Variants in RALGAPA1 observed in about 807,000 individuals in gnomAD.
RALGAPA1 encodes Ral GTPase activating protein catalytic subunit alpha 1, also known as ral GTPase-activating protein subunit alpha-1.
RALGAPA1 carries 52 observed loss-of-function variants against 269.6 expected under a neutral mutation model. The ratio of observed to expected loss-of-function variants is 0.19; its 90% confidence interval spans 0.15 to 0.24. The LOEUF (loss-of-function observed/expected upper bound fraction) is 0.24, where lower values mean the gene tolerates loss of function less well. RALGAPA1 is among the 10% of genes least tolerant of loss of function. The probability of loss-of-function intolerance (pLI) is 1.00; values close to 1 mark genes in which losing one functional copy is unlikely to be tolerated. For synonymous variants in RALGAPA1, 817 were observed against 1,008.3 expected, an observed-to-expected ratio of 0.81 and a Z score of 3.60; for missense variants, 1,917 against 3,013.9, an observed-to-expected ratio of 0.64 and a Z score of 8.52.
intron 1 of RALGAPA1, among the ~76,000 whole-genome samples, chr14:35,783,357 G>A (rs2075582808): frequency 6.6e-6 from 1 of 151,462 alleles, no homozygotes; most frequent in African/African-American, 2.4e-5. Context: ...TTTCCTCATT[G>A]AGTTGTTTGG....
In RALGAPA1 at chr14:35,634,770, G is replaced by A; in HGVS notation, c.5812-13C>T. ...ACCCATGTAAAACCTGAAAATACAG[G>A]GGGAAACACCCAGTTTTACTTAAAA... On this transcript the variant is annotated splice_polypyrimidine_tract_variant and intron_variant, in intron 32 of 41. Coordinates refer to ENST00000680220, the MANE Select transcript of RALGAPA1 (RefSeq NM_001346249.2). 3.2e-6 allele frequency: 5 copies of A among 1,560,706 alleles called. No homozygotes were observed. The highest frequency in any genetic ancestry group is 4.6e-5 in the East Asian group (2 of 43,560).
At chr14:35,566,694 A>C (rs2056736333) in intron 39 of RALGAPA1, among the ~76,000 whole-genome samples, 1 of 151,692 alleles carries the variant, frequency 6.6e-6, no homozygotes, top group African/African-American at 2.4e-5. Flanking sequence ...TTAATACATT[A>C]TGTTTCTGAA....
At chr14:35,683,667 C>T (rs1443323421) in intron 21 of RALGAPA1, 142 bp downstream of exon 21, 1 of 627,562 alleles carries the variant, frequency 1.6e-6, no homozygotes, top group Admixed American at 3.3e-5. Flanking sequence ...GTCTTTTCTC[C>T]CCTTCATTGT....
At chr14:35,551,504 G>A (rs969044102) in intron 39 of RALGAPA1, among the ~76,000 whole-genome samples, 3 of 152,018 alleles carry the variant, frequency 2.0e-5, no homozygotes, top group African/African-American at 7.2e-5. Context: ...TGGGTAAAAT[G>A]CTTCATGAAA....
intron 34 of RALGAPA1, among the ~76,000 whole-genome samples, chr14:35,626,709 T>G (rs1034723042): frequency 1.3e-5 from 2 of 152,152 alleles, no homozygotes; most frequent in African/African-American, 4.8e-5. Context: ...ACAAAATAAT[T>G]TTTAAAACTT....
chr14:35,624,251 A>T (rs1385911158), intron 35 of RALGAPA1, among the ~76,000 whole-genome samples: 2 of 148,592 alleles, frequency 1.3e-5, no homozygotes, highest in African/African-American at 4.9e-5. Flanking sequence ...TATATAGATT[A>T]TATTTTTGTT....
intron 41 of RALGAPA1, among the ~76,000 whole-genome samples, chr14:35,544,184 C>T (rs1049948843): frequency 6.6e-6 from 1 of 152,166 alleles, no homozygotes. Context: ...TCATACTTCT[C>T]CCCTGGCAAC....
At chr14:35,766,931 C>A in intron 4 of RALGAPA1, 1 of 399,090 alleles carries the variant, frequency 2.5e-6, no homozygotes, top group Non-Finnish European at 4.9e-6. Flanking sequence ...ACTCTCAAAC[C>A]AAGCGTTGCC....
At chr14:35,637,613 T>A (rs1249777843) in intron 31 of RALGAPA1, among the ~76,000 whole-genome samples, 1 of 152,118 alleles carries the variant, frequency 6.6e-6, no homozygotes, top group African/African-American at 2.4e-5. Context: ...CTAGAGTTAT[T>A]GGCTTTAAAG....
At position 35,549,576 on chromosome 14, in the gene RALGAPA1, G is replaced by A. The variant is rs572220704; in HGVS notation, c.7497-342C>T. On this transcript the variant is annotated intron_variant, in intron 39 of 41. Transcript: ENST00000680220. ...AGGAGTCTAGGCTGAAATTTATATC[G>A]GCCTAGGCTCATCTTATCTTGTTAA... is the stretch of plus-strand genomic sequence containing the variant. 2.1e-3 allele frequency among the ~76,000 whole-genome samples: 320 copies of A among 152,014 alleles called. 4 individuals are homozygous for A. Among genetic ancestry groups the A allele is most frequent in the African/African-American group, 7.3e-3 (304 of 41,458 alleles).
chr14:35,775,983 C>G (rs1437888550), intron 1 of RALGAPA1, among the ~76,000 whole-genome samples: 2 of 152,120 alleles, frequency 1.3e-5, no homozygotes, highest in African/African-American at 4.8e-5. Context: ...AAAACTTATT[C>G]AAAATCATTA....
At chr14:35,766,311 C>T (rs1164697873) in intron 4 of RALGAPA1, 7 of 1,006,182 alleles carry the variant, frequency 7.0e-6, no homozygotes, top group Non-Finnish European at 1.1e-5. Context: ...TACCACAGCA[C>T]AGGATCCTGT....
chr14:35,797,368 A>AAAAAAAAAAAAAAAAAAT (rs2076647677), intron 1 of RALGAPA1, among the ~76,000 whole-genome samples: 1 of 151,262 alleles, frequency 6.6e-6, no homozygotes, highest in Non-Finnish European at 1.5e-5. Flanking sequence ...AAAAAAAAAA[A>AAAAAAAAAAAAAAAAAAT]GATGCCAAAG....
intron 1 of RALGAPA1, among the ~76,000 whole-genome samples, chr14:35,781,464 G>A (rs1357843504): frequency 6.6e-6 from 1 of 152,122 alleles, no homozygotes; most frequent in Non-Finnish European, 1.5e-5. Flanking sequence ...CTCATTCTAT[G>A]AGGCCAATAT....
intron 22 of RALGAPA1, among the ~76,000 whole-genome samples, chr14:35,675,950 ATAAAG>A (rs1176939234): frequency 6.6e-6 from 1 of 152,130 alleles, no homozygotes; most frequent in East Asian, 1.9e-4. Flanking sequence ...CTCTTTACAT[ATAAAG>A]TATATAACTG....
At position 35,651,890 on chromosome 14, in the gene RALGAPA1, A is replaced by T. The variant is rs78676330; in HGVS notation, c.5608-17T>A. ...TATTAGGATCTGTAAGCAAAAAAAAATTTTTTTAAAAGCTCTATATATGTC... is the reference window on the plus strand; with the variant it reads ...TATTAGGATCTGTAAGCAAAAAAAATTTTTTTTAAAAGCTCTATATATGTC... On this transcript the variant is annotated splice_polypyrimidine_tract_variant and intron_variant, in intron 30 of 41. Transcript: ENST00000680220. The T allele has an allele frequency of 3.1e-3, 1,592 of 520,946 alleles. 5 individuals are homozygous for T. Among genetic ancestry groups the T allele is most frequent in the African/African-American group, 0.013 (542 of 42,094 alleles). The allele number at this position is 520,946 out of a possible 1,614,324, so 32.3% of individuals were successfully genotyped here. A position where few individuals can be genotyped will look rare whatever the true frequency, so the allele number is the denominator to read the frequency against.
Position 35,595,616 on chromosome 14 carries a change from G to A in RALGAPA1, c.7209+18C>T, listed in dbSNP as rs907391036. ...CAATTATGAGCATTTTAATTTGAAAGCACTTCTCAGCACTTACTTTTTTGG... is the reference window on the plus strand; with the variant it reads ...CAATTATGAGCATTTTAATTTGAAAACACTTCTCAGCACTTACTTTTTTGG... On this transcript the variant is annotated intron_variant, in intron 37 of 41. Coordinates refer to ENST00000680220, the MANE Select transcript of RALGAPA1 (RefSeq NM_001346249.2). The A allele has an allele frequency of 3.7e-6, 6 of 1,600,294 alleles. No homozygotes were observed. Among genetic ancestry groups the A allele is most frequent in the Admixed American group, 1.7e-5 (1 of 59,418 alleles).
At chr14:35,541,091 G>A (rs974952613) in intron 41 of RALGAPA1, among the ~76,000 whole-genome samples, 22 of 127,842 alleles carry the variant, frequency 1.7e-4, no homozygotes, top group Non-Finnish European at 3.2e-5. Context: ...CTGTCGCCAG[G>A]CTGGAGTGCA....
At chr14:35,598,656 G>A (rs2059081586) in intron 36 of RALGAPA1, among the ~76,000 whole-genome samples, 1 of 152,098 alleles carries the variant, frequency 6.6e-6, no homozygotes, top group Admixed American at 6.6e-5. Flanking sequence ...CTGGCCTCAG[G>A]TGATCTGCCC....
Sources: allele counts gnomAD v4.1 joint callset (sites outside exome capture counted in the v4.1 genomes callset), GRCh38; gene constraint gnomAD v4.1.1; transcripts MANE v1.5; gene names NCBI Gene and HGNC (gene_info 2026-07-23, HGNC 2026-07-21).